Variants in CBLN2 observed in about 807,000 individuals in gnomAD.
The protein encoded by CBLN2 is cerebellin 2 precursor.
CBLN2 carries 7 observed loss-of-function variants against 15.0 expected under a neutral mutation model. That is an observed-to-expected ratio of 0.47 (90% CI 0.27 to 0.88). CBLN2 has a LOEUF of 0.88. CBLN2 is among the 40% of genes least tolerant of loss of function. CBLN2 has a pLI of 0.14. For synonymous variants in CBLN2, 149 were observed against 135.2 expected (o/e 1.10, Z -0.71); for missense variants, 242 against 304.5 (o/e 0.79, Z 1.53).
intron 1 of CBLN2, among the ~76,000 whole-genome samples, chr18:72,586,210 T>C (rs12955510): frequency 0.54 from 82,206 of 152,174 alleles, 26,287 homozygotes; most frequent in Non-Finnish European, 0.73. Context: ...ATGGCAGCAG[T>C]GCTCCAGATG....
At chr18:72,576,996 A>G (rs1480854207) in intron 1 of CBLN2, among the ~76,000 whole-genome samples, 2 of 147,834 alleles carry the variant, frequency 1.4e-5, no homozygotes, top group Non-Finnish European at 1.5e-5. Context: ...AGAATTATAA[A>G]TGTGATAATT....
intron 1 of CBLN2, among the ~76,000 whole-genome samples, chr18:72,628,100 G>C (rs1374138700): frequency 6.6e-6 from 1 of 152,152 alleles, no homozygotes; most frequent in African/African-American, 2.4e-5. Flanking sequence ...GGGCTGCCTT[G>C]GTGGGCATGC....
At chr18:72,585,121 A>G (rs1345224653) in intron 1 of CBLN2, among the ~76,000 whole-genome samples, 1 of 152,144 alleles carries the variant, frequency 6.6e-6, no homozygotes. Context: ...AGAGCCCCAA[A>G]AAGGGTGTCA....
intron 1 of CBLN2, among the ~76,000 whole-genome samples, chr18:72,604,061 G>A (rs1291465886): frequency 2.0e-5 from 3 of 152,110 alleles, no homozygotes; most frequent in East Asian, 1.9e-4. Flanking sequence ...CTGAGGGTGG[G>A]GTCTAGGAGA....
intron 1 of CBLN2, among the ~76,000 whole-genome samples, chr18:72,553,952 C>T (rs1445886542): frequency 1.3e-5 from 2 of 152,188 alleles, no homozygotes; most frequent in Non-Finnish European, 2.9e-5. Context: ...GCCTAGCCTT[C>T]ATTGCCATGC....
intron 1 of CBLN2, among the ~76,000 whole-genome samples, chr18:72,585,676 G>A (rs975661105): frequency 3.0e-4 from 45 of 152,192 alleles, no homozygotes; most frequent in African/African-American, 1.1e-3. Flanking sequence ...ACTTCACCAA[G>A]GACCCACCCC....
chr18:72,580,180 G>A (rs1192597180), intron 1 of CBLN2, among the ~76,000 whole-genome samples: 2 of 151,886 alleles, frequency 1.3e-5, no homozygotes, highest in Non-Finnish European at 2.9e-5. Flanking sequence ...ATTTTTATAT[G>A]AAAAATGACT....
intron 1 of CBLN2, among the ~76,000 whole-genome samples, chr18:72,601,081 T>G (rs1233176493): frequency 1.3e-5 from 2 of 152,220 alleles, no homozygotes; most frequent in African/African-American, 2.4e-5. Flanking sequence ...TGCCTATATC[T>G]TAATAGAATT....
At chr18:72,626,093 G>A (rs889835238) in intron 1 of CBLN2, among the ~76,000 whole-genome samples, 1 of 151,842 alleles carries the variant, frequency 6.6e-6, no homozygotes, top group African/African-American at 2.4e-5. Context: ...AAGAATCTGG[G>A]ATTCATTCAT....
intron 1 of CBLN2, among the ~76,000 whole-genome samples, chr18:72,622,510 AC>A (rs2069707913): frequency 6.6e-6 from 1 of 152,090 alleles, no homozygotes; most frequent in Non-Finnish European, 1.5e-5. Context: ...TATTTTGAAA[AC>A]TAGAAAGGAG....
At chr18:72,610,783 C>T (rs1195294772) in intron 1 of CBLN2, among the ~76,000 whole-genome samples, 4 of 152,098 alleles carry the variant, frequency 2.6e-5, no homozygotes, top group Non-Finnish European at 5.9e-5. Flanking sequence ...ATTGGGGGTA[C>T]ATGTGCAGGT....
At chr18:72,575,897 A>AGC (rs2069363398) in intron 1 of CBLN2, among the ~76,000 whole-genome samples, 1 of 152,142 alleles carries the variant, frequency 6.6e-6, no homozygotes, top group Non-Finnish European at 1.5e-5. Context: ...ACTGGAGTAA[A>AGC]AATAAATGAG....
chr18:72,607,035 G>A (rs189029264), intron 1 of CBLN2, among the ~76,000 whole-genome samples: 9 of 152,336 alleles, frequency 5.9e-5, no homozygotes. Context: ...AGGTTAAAAT[G>A]AGTTCATTAG....
intron 1 of CBLN2, among the ~76,000 whole-genome samples, chr18:72,627,053 T>C (rs2069744703): frequency 2.6e-5 from 4 of 152,182 alleles, no homozygotes. Context: ...TGTCAGGCAG[T>C]TGGAGTTGAT....
chr18:72,630,847 A>G (rs1395685589), intron 1 of CBLN2, among the ~76,000 whole-genome samples: 1 of 152,114 alleles, frequency 6.6e-6, no homozygotes, highest in Non-Finnish European at 1.5e-5. Context: ...ACTCAAACAC[A>G]TAATAATGGA....
upstream of CBLN2, among the ~76,000 whole-genome samples, chr18:72,545,046 C>T (rs1476622145): frequency 6.6e-6 from 1 of 151,900 alleles, no homozygotes; most frequent in Non-Finnish European, 1.5e-5. Flanking sequence ...ATTTCTTATT[C>T]CTCCAGACTT....
chr18:72,607,397 CTCAGGAGTTAATGAGCA>C (rs1324252480), intron 1 of CBLN2, among the ~76,000 whole-genome samples: 1 of 152,202 alleles, frequency 6.6e-6, no homozygotes, highest in African/African-American at 2.4e-5. Flanking sequence ...TCATTTCTCA[CTCAGGAGTTAATGAGCA>C]TCTTTTCTAA....
chr18:72,554,823 C>T (rs2069214371), intron 1 of CBLN2, among the ~76,000 whole-genome samples: 1 of 151,998 alleles, frequency 6.6e-6, no homozygotes, highest in Middle Eastern at 3.2e-3. Flanking sequence ...TTCCCCCTTG[C>T]TGATATTGAT....
At chr18:72,565,520 G>A (rs2069288875) in intron 1 of CBLN2, among the ~76,000 whole-genome samples, 1 of 152,128 alleles carries the variant, frequency 6.6e-6, no homozygotes, top group Non-Finnish European at 1.5e-5. Context: ...TGTGGGGCAA[G>A]GGCTGATGTC....
Sources: gnomAD v4.1 joint callset for allele counts (sites outside exome capture counted in the v4.1 genomes callset) on GRCh38, gnomAD v4.1.1 for gene constraint, MANE v1.5 for transcripts, NCBI Gene and HGNC (gene_info 2026-07-23, HGNC 2026-07-21) for gene names.